Variants in WDR26 observed in about 807,000 individuals in gnomAD.
WDR26 encodes WD repeat-containing protein 26.
In WDR26, 5 loss-of-function variants were observed where a neutral mutation model predicts 84.1. The observed-to-expected ratio is 0.06, with a 90% confidence interval of 0.03 to 0.13. WDR26 has a LOEUF of 0.13. Among genes scored for constraint, WDR26 ranks in the 10% least tolerant of loss-of-function variants. The pLI is 1.00. For synonymous variants in WDR26, 415 were observed against 389.6 expected (o/e 1.07, Z -0.77); for missense variants, 642 against 974.9 (o/e 0.66, Z 4.55).
At chr1:224,395,499 A>G (rs1280689665) in intron 12 of WDR26, among the ~76,000 whole-genome samples, 2 of 152,196 alleles carry the variant, frequency 1.3e-5, no homozygotes, top group Non-Finnish European at 2.9e-5. Context: ...GTATGTGTGA[A>G]GCAAAAGCTA....
intron 8 of WDR26, among the ~76,000 whole-genome samples, chr1:224,404,219 A>C (rs140024118): frequency 1.0e-3 from 159 of 152,326 alleles, no homozygotes; most frequent in African/African-American, 3.6e-3. Context: ...TCCTGAAAAC[A>C]CTTACTGATC....
At chr1:224,394,903 T>C (rs1260382097) in intron 12 of WDR26, among the ~76,000 whole-genome samples, 1 of 152,220 alleles carries the variant, frequency 6.6e-6, no homozygotes, top group Non-Finnish European at 1.5e-5. Flanking sequence ...GCAGCCCTGC[T>C]CAAGAGCTTA....
In WDR26 at chr1:224,401,695, A is replaced by AAAAAAG. The variant is rs1558421324; in HGVS notation, c.1600-627_1600-626insCTTTTT. On this transcript the variant is annotated intron_variant, in intron 8 of 13. Coordinates refer to ENST00000414423, the MANE Select transcript of WDR26 (RefSeq NM_001379403.1). ...TCAAAAAAAAAAAAAAAAAAGAAAA[A>AAAAAAG]AAAAAAGAAAAAAGAAAAAAAAAGA... 1.3e-3 allele frequency among the ~76,000 whole-genome samples: 140 copies of AAAAAAG among 104,094 alleles called. 1 individual carries two copies. The highest frequency in any genetic ancestry group is 5.3e-3 in the South Asian group (15 of 2,844). 68.3% of individuals were successfully genotyped at this position (104,094 alleles called of 152,430 possible). A position where few individuals can be genotyped will look rare whatever the true frequency, so the allele number is the denominator to read the frequency against.
Position 224,434,401 on chromosome 1 carries a change from G to T in WDR26, c.5C>A (p.Ala2Asp). The T allele has an allele frequency of 8.9e-7, 1 of 1,128,560 alleles. No homozygotes were observed. The highest frequency in any genetic ancestry group is 1.1e-6 in the Non-Finnish European group (1 of 923,320). The allele number at this position is 1,128,560 out of a possible 1,614,324, so 69.9% of individuals were successfully genotyped here. A position where few individuals can be genotyped will look rare whatever the true frequency, so the allele number is the denominator to read the frequency against. Reference sequence around the variant, plus strand: ...GGCCAGAGTTTCCTCGCCGAGAGAGGCCGTGGTGGGAAGCCGGTGGGGCGA... The same window carrying T: ...GGCCAGAGTTTCCTCGCCGAGAGAGTCCGTGGTGGGAAGCCGGTGGGGCGA... Residue 2 changes from alanine (A) to aspartate (D), a missense_variant, in exon 1 of 14, where the codon GCC (alanine) becomes GAC (aspartate). This residue lies in a region of WDR26 where 291 missense variants were observed against 302.1 expected (regional missense o/e 0.96). Transcript: ENST00000414423.
At chr1:224,395,685 A>T (rs1673240671) in intron 12 of WDR26, among the ~76,000 whole-genome samples, 1 of 152,030 alleles carries the variant, frequency 6.6e-6, no homozygotes, top group East Asian at 1.9e-4. Context: ...GAAGGATCAC[A>T]GGGTTAAAGT....
intron 6 of WDR26, among the ~76,000 whole-genome samples, chr1:224,418,039 G>A (rs553780756): frequency 6.6e-5 from 10 of 152,188 alleles, no homozygotes; most frequent in East Asian, 3.9e-4. Flanking sequence ...TATAGATAAC[G>A]AAAAACTGGC....
rs528668849 is a variant in WDR26 at position 224,411,315 on chromosome 1, GCT to G, written c.1458+110_1458+111del. 2.7e-3 allele frequency: 3,139 copies of G among 1,148,692 alleles called. 14 individuals carry two copies. The highest frequency in any genetic ancestry group is 0.016 in the South Asian group (696 of 43,490). 71.2% of individuals were successfully genotyped at this position (1,148,692 alleles called of 1,614,324 possible). On this transcript the variant is annotated intron_variant, in intron 7 of 13. Coordinates refer to ENST00000414423, the MANE Select transcript of WDR26 (RefSeq NM_001379403.1). ...TGAAGATGTAAAAATGATAAAAAATGCTCTTAGAAAAGAATACTATTGATACA... is the reference window on the plus strand; with the variant it reads ...TGAAGATGTAAAAATGATAAAAAATGCTTAGAAAAGAATACTATTGATACA...
In WDR26 at chr1:224,411,527, T is replaced by G; in HGVS notation, c.1358A>C (p.Glu453Ala). Reference sequence around the variant, plus strand: ...ACAGAACCACACTTCATTACAATGCTCCGTAAGTATCTGCTGCGTATAACA... The same window carrying G: ...ACAGAACCACACTTCATTACAATGCGCCGTAAGTATCTGCTGCGTATAACA... Residue 453 changes from glutamate (E) to alanine (A), a missense_variant, in exon 7 of 14, where the codon GAG (glutamate) becomes GCG (alanine). Glu to Ala is a moderately radical substitution (Grantham distance 107). Transcript: ENST00000414423. 1 of 1,612,908 alleles carries G rather than the reference T, an allele frequency of 6.2e-7. No homozygotes were observed. Among genetic ancestry groups the G allele is most frequent in the Non-Finnish European group, 8.5e-7 (1 of 1,179,516 alleles).
At chr1:224,403,299 C>T (rs1047624140) in intron 8 of WDR26, among the ~76,000 whole-genome samples, 2 of 152,154 alleles carry the variant, frequency 1.3e-5, no homozygotes, top group Admixed American at 1.3e-4. Flanking sequence ...ATTTACCCAC[C>T]TCGGCCTCCC....
intron 7 of WDR26, among the ~76,000 whole-genome samples, chr1:224,407,750 T>C (rs1673623655): frequency 6.6e-6 from 1 of 151,998 alleles, no homozygotes; most frequent in Non-Finnish European, 1.5e-5. Context: ...CTCAGGTGAC[T>C]CACCTGCCTC....
rs1673193300 is a variant in WDR26, at chr1:224,394,025, G to A, written c.2075-12C>T. On this transcript the variant is annotated splice_polypyrimidine_tract_variant and intron_variant, in intron 12 of 13. Transcript: ENST00000414423. ...GTAAACCTTGTGATCTGAACATATA[G>A]TAATTCAGAAAAAAGTTTTACATTA... 4 of 1,431,304 alleles carry A rather than the reference G, an allele frequency of 2.8e-6. No individual in the cohort carries two copies. Among genetic ancestry groups the A allele is most frequent in the East Asian group, 2.4e-5 (1 of 41,706 alleles). The allele number at this position is 1,431,304 out of a possible 1,614,324, so 88.7% of individuals were successfully genotyped here.
intron 9 of WDR26, among the ~76,000 whole-genome samples, chr1:224,399,760 T>A (rs1358831959): frequency 3.3e-5 from 5 of 152,212 alleles, no homozygotes; most frequent in Admixed American, 6.5e-5. Flanking sequence ...TAAAAGAAAC[T>A]GATAACCTGT....
chr1:224,415,021 T>C (rs1673853955), intron 6 of WDR26, among the ~76,000 whole-genome samples: 1 of 152,192 alleles, frequency 6.6e-6, no homozygotes, highest in Admixed American at 6.5e-5. Context: ...AAAAACTTTT[T>C]TTAATTAAAA....
In WDR26 at chr1:224,389,640, G is replaced by A. The variant is rs562405049; in HGVS notation, c.*195C>T. 4 of 633,310 alleles carry A rather than the reference G, an allele frequency of 6.3e-6. No individual in the cohort carries two copies. Among genetic ancestry groups the A allele is most frequent in the South Asian group, 1.8e-5 (1 of 56,336 alleles). 39.2% of individuals were successfully genotyped at this position (633,310 alleles called of 1,614,324 possible). On this transcript the variant is annotated 3_prime_UTR_variant, in exon 14 of 14. Transcript: ENST00000414423. ...ACATGGTGTCCAACAACGTTCTAAC[G>A]ACGTGCTTCATCTCAACTGGTTACT...
intron 12 of WDR26, 155 bp downstream of exon 12, chr1:224,397,942 T>A (rs1673309057): frequency 2.3e-6 from 2 of 864,620 alleles, no homozygotes; most frequent in Non-Finnish European, 3.4e-6. Flanking sequence ...ATACAGGGGC[T>A]TAGGTCATTA....
intron 6 of WDR26, among the ~76,000 whole-genome samples, chr1:224,417,528 C>A (rs186342645): frequency 6.6e-6 from 1 of 152,284 alleles, no homozygotes; most frequent in Admixed American, 6.5e-5. Context: ...GGGCAAGAGA[C>A]CCCATCTCTA....
intron 6 of WDR26, among the ~76,000 whole-genome samples, chr1:224,413,801 C>T (rs1462364101): frequency 6.6e-6 from 1 of 152,032 alleles, no homozygotes; most frequent in African/African-American, 2.4e-5. Context: ...TTTTCCTCCT[C>T]TAATGTTTAT....
intron 7 of WDR26, among the ~76,000 whole-genome samples, chr1:224,406,074 T>C (rs1015560063): frequency 2.0e-5 from 3 of 152,142 alleles, no homozygotes; most frequent in Admixed American, 2.0e-4. Context: ...CAAAAGATAT[T>C]TTGGGCTGGA....
At chr1:224,412,009 A>C (rs1490087018) in intron 6 of WDR26, among the ~76,000 whole-genome samples, 1 of 152,114 alleles carries the variant, frequency 6.6e-6, no homozygotes, top group African/African-American at 2.4e-5. Flanking sequence ...CAAAAAACAA[A>C]CAAACCAAAA....
Sources: gnomAD v4.1 joint callset for allele counts (sites outside exome capture counted in the v4.1 genomes callset) on GRCh38, gnomAD v4.1.1 for gene constraint, gnomAD v4.1.1 regional missense constraint, MANE v1.5 for transcripts, NCBI Gene and HGNC (gene_info 2026-07-23, HGNC 2026-07-21) for gene names.